TNFRSF10D: variants seen among roughly 807,000 people sequenced by gnomAD.
TNFRSF10D encodes the protein TNF receptor superfamily member 10d, also known as tumor necrosis factor receptor superfamily member 10D.
A neutral mutation model predicts 42.1 loss-of-function variants in TNFRSF10D; 28 were observed. That is an observed-to-expected ratio of 0.66 (90% CI 0.49 to 0.91). The LOEUF (loss-of-function observed/expected upper bound fraction) is 0.91. Ranked by LOEUF, TNFRSF10D falls within the 40% of genes least tolerant of loss-of-function variation. The pLI is 0.00. For missense variants in TNFRSF10D, 503 were observed against 486.1 expected (o/e 1.03, Z -0.33); for synonymous variants, 186 against 189.4 (o/e 0.98, Z 0.15).
chr8:23,157,153 A>G (rs1585265385), intron 1 of TNFRSF10D, among the ~76,000 whole-genome samples: 1 of 152,260 alleles, frequency 6.6e-6, no homozygotes, highest in African/African-American at 2.4e-5. Flanking sequence ...GAATGTTTTT[A>G]TCACTCCAGA....
chr8:23,161,487 C>G (rs1800366594), intron 1 of TNFRSF10D, among the ~76,000 whole-genome samples: 1 of 152,208 alleles, frequency 6.6e-6, no homozygotes, highest in Non-Finnish European at 1.5e-5. Flanking sequence ...AAGATGGAGA[C>G]CTTATCTCCA....
intron 2 of TNFRSF10D, among the ~76,000 whole-genome samples, chr8:23,152,317 T>G (rs1453080928): frequency 6.0e-3 from 917 of 152,090 alleles, no homozygotes; most frequent in African/African-American, 0.019. Context: ...CTAACCGGTG[T>G]GTGGGGAGCA....
chr8:23,138,488 C>T (rs988266848), intron 7 of TNFRSF10D, among the ~76,000 whole-genome samples: 1 of 151,068 alleles, frequency 6.6e-6, no homozygotes, highest in Non-Finnish European at 1.5e-5. Flanking sequence ...TTCTGACCAA[C>T]TTTGACTATA....
At chr8:23,141,662 TGAAC>T (rs1563354892) in intron 7 of TNFRSF10D, among the ~76,000 whole-genome samples, 3 of 151,774 alleles carry the variant, frequency 2.0e-5, no homozygotes, top group Admixed American at 1.3e-4. Context: ...GCAAAAGACA[TGAAC>T]ACACATGTCT....
rs372306502 is a variant in TNFRSF10D, at chr8:23,154,943, C to T, written c.187G>A (p.Glu63Lys). 19 of 1,613,378 alleles carry T rather than the reference C, an allele frequency of 1.2e-5. No individual in the cohort carries two copies. The highest frequency in any genetic ancestry group is 9.3e-5 in the African/African-American group (7 of 74,886). Residue 63 changes from glutamate (E) to lysine (K), a missense_variant, in exon 2 of 9, where the codon GAA becomes AAA. Coordinates refer to ENST00000312584, the MANE Select transcript of TNFRSF10D (RefSeq NM_003840.5). ...VDSATIPRQD[E>K]VPQQTVAPQQ... is the part of the protein sequence containing the mutation. Reference sequence around the variant, plus strand: ...GGGGCCACTGTCTGCTGGGGAACTTCGTCCTGCCGGGGGATGGTGGCAGAG... The same window carrying T: ...GGGGCCACTGTCTGCTGGGGAACTTTGTCCTGCCGGGGGATGGTGGCAGAG...
chr8:23,163,416 TGAAC>T (rs35466375), intron 1 of TNFRSF10D, among the ~76,000 whole-genome samples: 23,508 of 150,604 alleles, frequency 0.16, 2,438 homozygotes, highest in East Asian at 0.56. Flanking sequence ...GTTAACGTTA[TGAAC>T]GAACGAACGA....
At chr8:23,156,186 T>C (rs1800277774) in intron 1 of TNFRSF10D, among the ~76,000 whole-genome samples, 1 of 152,194 alleles carries the variant, frequency 6.6e-6, no homozygotes, top group Non-Finnish European at 1.5e-5. Context: ...CCAACAGCTA[T>C]TTTTCAAATT....
chr8:23,138,471 G>C (rs1287150563), intron 7 of TNFRSF10D, among the ~76,000 whole-genome samples: 2 of 150,976 alleles, frequency 1.3e-5, no homozygotes, highest in Non-Finnish European at 2.9e-5. Context: ...TGCTCACTTT[G>C]TAAGTGTTCT....
chr8:23,140,162 G>A (rs1053938098), intron 7 of TNFRSF10D, among the ~76,000 whole-genome samples: 14 of 152,084 alleles, frequency 9.2e-5, no homozygotes, highest in Admixed American at 7.2e-4. Context: ...GGCAGTGTGC[G>A]CCTGTAATCC....
chr8:23,158,534 G>A (rs368926017), intron 1 of TNFRSF10D, among the ~76,000 whole-genome samples: 6 of 152,276 alleles, frequency 3.9e-5, no homozygotes, highest in African/African-American at 1.2e-4. Context: ...CCATTGAACT[G>A]TAGTGCTCAG....
intron 1 of TNFRSF10D, 63 bp downstream of exon 1, chr8:23,163,723 T>C: frequency 6.4e-7 from 1 of 1,574,278 alleles, no homozygotes; most frequent in South Asian, 1.2e-5. Flanking sequence ...TCCCCCTCTC[T>C]CCCTGCCCAC....
intron 7 of TNFRSF10D, among the ~76,000 whole-genome samples, chr8:23,142,318 C>T (rs1800039683): frequency 6.6e-6 from 1 of 151,742 alleles, no homozygotes; most frequent in African/African-American, 2.4e-5. Context: ...ACACCACTAT[C>T]CATAATAGCA....
chr8:23,143,139 G>A (rs1800057202), intron 7 of TNFRSF10D, among the ~76,000 whole-genome samples: 1 of 152,110 alleles, frequency 6.6e-6, no homozygotes, highest in African/African-American at 2.4e-5. Context: ...ACCACGCCCG[G>A]CTAATTTTTT....
intron 7 of TNFRSF10D, among the ~76,000 whole-genome samples, chr8:23,143,209 C>G (rs559977616): frequency 1.2e-4 from 18 of 150,726 alleles, no homozygotes; most frequent in Middle Eastern, 3.4e-3. Flanking sequence ...ATCTCTTGAC[C>G]TTGTGATCCA....
intron 2 of TNFRSF10D, among the ~76,000 whole-genome samples, chr8:23,150,047 A>C (rs754111146): frequency 5.3e-5 from 8 of 152,186 alleles, no homozygotes; most frequent in Non-Finnish European, 1.0e-4. Context: ...AAACACATAG[A>C]GATAAGGGCA....
In TNFRSF10D at chr8:23,137,826, G is replaced by A. The variant is rs112010842; in HGVS notation, c.*44C>T. 2,368 of 1,585,970 alleles carry A rather than the reference G, an allele frequency of 1.5e-3. No homozygotes were observed. In the African/African-American group the frequency reaches 0.018, roughly 12 times the overall value. ...TTCCAGGCTGCTTCCCTTTGTAGGA[G>A]AAAAGGTAAATGAGGGAAGCTCTGG... is the stretch of plus-strand genomic sequence containing the variant. On this transcript the variant is annotated 3_prime_UTR_variant, in exon 9 of 9. Coordinates refer to ENST00000312584, the MANE Select transcript of TNFRSF10D (RefSeq NM_003840.5).
intron 2 of TNFRSF10D, among the ~76,000 whole-genome samples, chr8:23,151,645 A>G (rs948618668): frequency 6.6e-6 from 1 of 152,256 alleles, no homozygotes; most frequent in Admixed American, 6.5e-5. Flanking sequence ...ATAATGACAA[A>G]ACATAAAATA....
At chr8:23,147,192 G>T in intron 3 of TNFRSF10D, 120 bp from the exon 4 acceptor site, 1 of 784,050 alleles carries the variant, frequency 1.3e-6, no homozygotes. Flanking sequence ...TCTGAGGGCT[G>T]GTTTCTGCAC....
In TNFRSF10D at chr8:23,150,914, C is replaced by T. The variant is rs115806915; in HGVS notation, c.257-2363G>A. Among the ~76,000 whole-genome samples, 1,017 of 151,886 alleles carry T rather than the reference C, an allele frequency of 6.7e-3. 1 individual carries two copies. Among genetic ancestry groups the T allele is most frequent in the African/African-American group, 0.019 (790 of 41,382 alleles). ...GAGGGAAGAAAGCCAACAGTACCAA[C>T]GGTTACTGTGAAGCAAAACAATATA... On this transcript the variant is annotated intron_variant, in intron 2 of 8. Coordinates refer to ENST00000312584, the MANE Select transcript of TNFRSF10D (RefSeq NM_003840.5).
Sources: allele counts gnomAD v4.1 joint callset (sites outside exome capture counted in the v4.1 genomes callset), GRCh38; gene constraint gnomAD v4.1.1; transcripts MANE v1.5; gene names NCBI Gene and HGNC (gene_info 2026-07-23, HGNC 2026-07-21).